Variants in KAZN observed in about 807,000 individuals in gnomAD.
KAZN encodes the protein kazrin, periplakin interacting protein, also known as kazrin.
A neutral mutation model predicts 87.4 loss-of-function variants in KAZN; 40 were observed. The observed-to-expected ratio is 0.46, with a 90% CI of 0.36 to 0.60. The LOEUF is 0.60. KAZN is among the 20% of genes least tolerant of loss of function. KAZN has a pLI of 0.00. For synonymous variants in KAZN, 466 were observed against 458.3 expected, an observed-to-expected ratio of 1.02 and a Z score of -0.22; for missense variants, 898 against 1,073.9, an observed-to-expected ratio of 0.84 and a Z score of 2.29.
Position 14,598,895 on chromosome 1 carries a change from G to A in KAZN, c.-103G>A. ...GTCGGGGCGCGGGCGAAGCCGGGCC[G>A]CGGAGGACACAACAGGTAGAGCCGG... On this transcript the variant is annotated 5_prime_UTR_variant, in exon 1 of 15. Coordinates refer to ENST00000376030, the MANE Select transcript of KAZN (RefSeq NM_201628.3). The surrounding 1 kb of genome is among the most constrained non-coding windows in gnomAD (Gnocchi z 4.2). The A allele has an allele frequency of 6.7e-7, 1 of 1,501,178 alleles. No homozygotes were observed. Among genetic ancestry groups the A allele is most frequent in the Non-Finnish European group, 8.8e-7 (1 of 1,135,032 alleles). 93.0% of individuals were successfully genotyped at this position (1,501,178 alleles called of 1,614,324 possible). A position where few individuals can be genotyped will look rare whatever the true frequency, so the allele number is the denominator to read the frequency against.
rs1640716274 is a variant in KAZN at position 15,094,566 on chromosome 1, G to A, written c.1428+181G>A. Reference sequence around the variant, plus strand: ...TTGTGCCTCCCTGGCAAGGCAGAGAGCCCTCAGCTGCCTCATCCTGACAAT... The same window carrying A: ...TTGTGCCTCCCTGGCAAGGCAGAGAACCCTCAGCTGCCTCATCCTGACAAT... On this transcript the variant is annotated intron_variant, in intron 9 of 14. Transcript: ENST00000376030. The surrounding 1 kb of genome is among the most constrained non-coding windows in gnomAD (Gnocchi z 4.5). Among the ~76,000 whole-genome samples, 1 of 152,218 alleles carries A rather than the reference G, an allele frequency of 6.6e-6. No homozygotes were observed. Among genetic ancestry groups the A allele is most frequent in the African/African-American group, 2.4e-5 (1 of 41,462 alleles).
chr1:14,953,301 C>A (rs2101721544), intron 1 of KAZN, among the ~76,000 whole-genome samples: 1 of 152,380 alleles, frequency 6.6e-6, no homozygotes, highest in East Asian at 1.9e-4. Context: ...CCAAGCCAAG[C>A]CTGGTTGCCA....
chr1:14,011,432 A>G lies in KAZN; in HGVS notation c.91+117676A>G, dbSNP rs199806905. Among the ~76,000 whole-genome samples, 17 of 152,252 alleles carry G rather than the reference A, an allele frequency of 1.1e-4. No homozygotes were observed. The East Asian group carries it at 3.1e-3, about 28-fold the overall frequency. ...GCTGCTTCGTTTGCATCACCTGACG[A>G]CAAAAACCACCATGCACTGCCTGGC... is the stretch of plus-strand genomic sequence containing the variant. On this transcript the variant is annotated intron_variant, in intron 1 of 16. Coordinates refer to the KAZN transcript ENST00000636203.
intron 2 of KAZN, among the ~76,000 whole-genome samples, chr1:14,255,959 C>A (rs922068918): frequency 6.6e-6 from 1 of 152,162 alleles, no homozygotes; most frequent in African/African-American, 2.4e-5. Flanking sequence ...TAGAACTGAG[C>A]TAAACCCAGA....
At chr1:14,794,030 G>A (rs1737352) in intron 1 of KAZN, among the ~76,000 whole-genome samples, 75,366 of 152,068 alleles carry the variant, frequency 0.5, 19,714 homozygotes, top group East Asian at 0.72. Flanking sequence ...TTTTGTTCAC[G>A]AGCAGTTACA....
rs147158451 is a variant in KAZN, at chr1:14,911,616, C to G, written c.227-49068C>G. Among the ~76,000 whole-genome samples, 889 of 152,334 alleles carry G rather than the reference C, an allele frequency of 5.8e-3. 13 individuals are homozygous for G. Among genetic ancestry groups the G allele is most frequent in the Middle Eastern group, 6.8e-3 (2 of 294 alleles). ...CCCTGTCACTGGGAGAGCCCACACCCTTGGCCCCTGCTGGCACTGATGGTG... is the reference window on the plus strand; with the variant it reads ...CCCTGTCACTGGGAGAGCCCACACCGTTGGCCCCTGCTGGCACTGATGGTG... On this transcript the variant is annotated intron_variant, in intron 1 of 14. Coordinates refer to ENST00000376030, the MANE Select transcript of KAZN (RefSeq NM_201628.3).
At chr1:14,971,456 GC>G (rs1396382406) in intron 2 of KAZN, among the ~76,000 whole-genome samples, 1 of 152,088 alleles carries the variant, frequency 6.6e-6, no homozygotes, top group East Asian at 1.9e-4. Flanking sequence ...AGGTTTTGGA[GC>G]CAAAGCTTGA....
chr1:14,033,801 G>A (rs1048150765), intron 1 of KAZN, among the ~76,000 whole-genome samples: 5 of 152,264 alleles, frequency 3.3e-5, no homozygotes, highest in South Asian at 4.2e-4. Context: ...AATGGGAATC[G>A]AATCTTTTCC....
At chr1:14,441,606 A>C (rs1666709637) in intron 2 of KAZN, among the ~76,000 whole-genome samples, 1 of 152,160 alleles carries the variant, frequency 6.6e-6, no homozygotes, top group Non-Finnish European at 1.5e-5. Flanking sequence ...TTTTAACACA[A>C]ATTAATTGTT....
intron 4 of KAZN, among the ~76,000 whole-genome samples, chr1:15,050,126 GGTCTCCATCTC>G (rs1674181241): frequency 3.2e-5 from 4 of 126,404 alleles, no homozygotes; most frequent in African/African-American, 3.4e-5. Flanking sequence ...TAGTAGAGTA[GGTCTCCATCTC>G]AATAGAATAA....
intron 8 of KAZN, among the ~76,000 whole-genome samples, chr1:15,074,980 C>T (rs1006705969): frequency 1.6e-4 from 24 of 152,304 alleles, no homozygotes; most frequent in African/African-American, 5.3e-4. Flanking sequence ...TTCAGCCTCT[C>T]GCCGGCCCTG....
chr1:14,702,748 C>T (rs1018584723), intron 1 of KAZN, among the ~76,000 whole-genome samples: 1 of 152,164 alleles, frequency 6.6e-6, no homozygotes, highest in African/African-American at 2.4e-5. Context: ...TGAAATGTAA[C>T]GTGGCCCTTT....
intron 1 of KAZN, among the ~76,000 whole-genome samples, chr1:14,937,023 C>T (rs1660538804): frequency 6.6e-6 from 1 of 152,164 alleles, no homozygotes; most frequent in Non-Finnish European, 1.5e-5. Context: ...AAGTCCACAT[C>T]CCTCCCCATC....
chr1:14,942,342 TG>T (rs1367169373), intron 1 of KAZN, among the ~76,000 whole-genome samples: 1 of 151,966 alleles, frequency 6.6e-6, no homozygotes, highest in Non-Finnish European at 1.5e-5. Context: ...TTGAGGTTTG[TG>T]GAGTGCGGAG....
chr1:15,067,721 A>G (rs976874233), intron 8 of KAZN: 5 of 985,386 alleles, frequency 5.1e-6, no homozygotes, highest in Non-Finnish European at 6.0e-6. Flanking sequence ...AACAGCAAGC[A>G]GGCAGAGGCC....
intron 2 of KAZN, among the ~76,000 whole-genome samples, chr1:14,387,218 AT>A (rs898538173): frequency 6.6e-6 from 1 of 151,736 alleles, no homozygotes; most frequent in African/African-American, 2.4e-5. Context: ...ATTCTTCTAA[AT>A]TTTTTTCAAA....
intron 2 of KAZN, among the ~76,000 whole-genome samples, chr1:14,242,932 C>T (rs187317089): frequency 2.1e-4 from 32 of 152,294 alleles, no homozygotes; most frequent in Non-Finnish European, 3.5e-4. Context: ...AACGTAAGAA[C>T]AGGTCATACA....
At chr1:14,587,399 G>A (rs1675918982) in intron 2 of KAZN, among the ~76,000 whole-genome samples, 2 of 148,628 alleles carry the variant, frequency 1.3e-5, no homozygotes, top group Non-Finnish European at 3.0e-5. Flanking sequence ...TTGTGCCACT[G>A]CACTCCAGCC....
At chr1:14,821,358 A>G (rs1212894127) in intron 1 of KAZN, among the ~76,000 whole-genome samples, 1 of 151,816 alleles carries the variant, frequency 6.6e-6, no homozygotes, top group East Asian at 1.9e-4. Flanking sequence ...TACTAAAAAT[A>G]CAAAACAAAT....
Sources: gnomAD v4.1 joint callset for allele counts (sites outside exome capture counted in the v4.1 genomes callset) on GRCh38, gnomAD v4.1.1 for gene constraint, Gnocchi (gnomAD v3.1) non-coding constraint, MANE v1.5 for transcripts, NCBI Gene and HGNC (gene_info 2026-07-23, HGNC 2026-07-21) for gene names.